NLGN1: variants seen among roughly 807,000 people sequenced by gnomAD.
The protein encoded by NLGN1 is neuroligin-1.
In NLGN1, 12 loss-of-function variants were observed where a neutral mutation model predicts 65.5. The ratio of observed to expected loss-of-function variants is 0.18; its 90% confidence interval spans 0.12 to 0.30. NLGN1 has a LOEUF of 0.30. NLGN1 is among the 10% of genes least tolerant of loss of function. The pLI is 1.00. For synonymous variants in NLGN1, 350 were observed against 359.5 expected (o/e 0.97, Z 0.30); for missense variants, 750 against 1,007.1 (o/e 0.74, Z 3.46).
At chr3:173,804,892 A>G (rs118099426) in intron 3 of NLGN1, among the ~76,000 whole-genome samples, 4,554 of 152,080 alleles carry the variant, frequency 0.03, 182 homozygotes, top group East Asian at 0.17. Flanking sequence ...CAGACATGGT[A>G]GTAGGCGCCT....
At chr3:174,245,191 G>T (rs1416166566) in intron 4 of NLGN1, among the ~76,000 whole-genome samples, 2 of 152,060 alleles carry the variant, frequency 1.3e-5, no homozygotes, top group Admixed American at 1.3e-4. Context: ...GATTCCATTT[G>T]GGAAGTGGAG....
At chr3:173,740,817 C>T (rs1321413406) in intron 3 of NLGN1, among the ~76,000 whole-genome samples, 1 of 151,968 alleles carries the variant, frequency 6.6e-6, no homozygotes, top group Non-Finnish European at 1.5e-5. Flanking sequence ...ATAAATTGTT[C>T]TCGAAAACTA....
chr3:174,100,386 C>G (rs945390411), intron 4 of NLGN1, among the ~76,000 whole-genome samples: 3 of 152,036 alleles, frequency 2.0e-5, no homozygotes, highest in African/African-American at 7.2e-5. Context: ...TTATTGAGCT[C>G]TACCCCACTG....
chr3:173,437,102 A>G (rs1383898355), intron 2 of NLGN1, among the ~76,000 whole-genome samples: 1 of 152,248 alleles, frequency 6.6e-6, no homozygotes, highest in Non-Finnish European at 1.5e-5. Context: ...TTGACTGTCA[A>G]GATTCCATTT....
At chr3:174,054,537 A>C (rs1397785354) in intron 4 of NLGN1, among the ~76,000 whole-genome samples, 1 of 151,804 alleles carries the variant, frequency 6.6e-6, no homozygotes, top group Non-Finnish European at 1.5e-5. Flanking sequence ...CCTCCTCCCT[A>C]AGCTTTAGGG....
chr3:174,088,615 C>T (rs1307138063), intron 4 of NLGN1, among the ~76,000 whole-genome samples: 5 of 151,292 alleles, frequency 3.3e-5, no homozygotes, highest in South Asian at 2.1e-4. Flanking sequence ...TAGCCGGGCG[C>T]GGTGGCAGGT....
At chr3:173,675,451 A>G (rs2149756161) in intron 3 of NLGN1, among the ~76,000 whole-genome samples, 1 of 152,262 alleles carries the variant, frequency 6.6e-6, no homozygotes, top group East Asian at 1.9e-4. Flanking sequence ...TATTAAAACA[A>G]ACAAACAAAG....
intron 3 of NLGN1, among the ~76,000 whole-genome samples, chr3:173,689,818 G>A (rs1765204945): frequency 6.6e-6 from 1 of 152,078 alleles, no homozygotes; most frequent in Non-Finnish European, 1.5e-5. Flanking sequence ...AAGCACTTCA[G>A]TAATTTTCAA....
intron 3 of NLGN1, among the ~76,000 whole-genome samples, chr3:173,703,466 T>C (rs748026566): frequency 6.6e-6 from 1 of 152,194 alleles, no homozygotes; most frequent in Non-Finnish European, 1.5e-5. Context: ...TTATTTATTT[T>C]AACTTCTTCT....
At chr3:173,758,340 A>G (rs940714736) in intron 3 of NLGN1, among the ~76,000 whole-genome samples, 1 of 152,028 alleles carries the variant, frequency 6.6e-6, no homozygotes, top group Non-Finnish European at 1.5e-5. Context: ...TAGCAAACTG[A>G]GACAATGGAC....
At chr3:173,409,595 A>T (rs141248595) in intron 1 of NLGN1, among the ~76,000 whole-genome samples, 47 of 152,256 alleles carry the variant, frequency 3.1e-4, no homozygotes, top group African/African-American at 1.1e-3. Context: ...CCCTGTATCC[A>T]GTCAACAATG....
At chr3:173,501,763 ACATCT>A (rs1731165571) in intron 2 of NLGN1, among the ~76,000 whole-genome samples, 1 of 151,932 alleles carries the variant, frequency 6.6e-6, no homozygotes, top group East Asian at 1.9e-4. Flanking sequence ...GTATGTAAAA[ACATCT>A]CATAGTGTAA....
At chr3:173,552,146 T>C (rs1577237351) in intron 2 of NLGN1, among the ~76,000 whole-genome samples, 1 of 152,222 alleles carries the variant, frequency 6.6e-6, no homozygotes, top group African/African-American at 2.4e-5. Flanking sequence ...GTGAGCCTAA[T>C]CCCCTGGAGG....
chr3:173,685,331 A>G (rs1285234263), intron 3 of NLGN1, among the ~76,000 whole-genome samples: 2 of 152,232 alleles, frequency 1.3e-5, no homozygotes, highest in Non-Finnish European at 1.5e-5. Context: ...TGGTTAAGAC[A>G]TATTCCCAGG....
intron 1 of NLGN1, among the ~76,000 whole-genome samples, chr3:173,406,817 G>A (rs574994463): frequency 3.3e-5 from 5 of 151,818 alleles, no homozygotes; most frequent in East Asian, 3.9e-4. Context: ...CCTTTCTTTC[G>A]TTGTAGCTGT....
chr3:173,422,696 G>A lies in NLGN1; in HGVS notation c.-389-12314G>A, dbSNP rs920368005. On this transcript the variant is annotated intron_variant, in intron 1 of 6. Transcript: ENST00000457714. ...TGAAATTATATCTCATTGCAGTTTT[G>A]ATTTGTATTTCTCTGATGATTAGTA... Among the ~76,000 whole-genome samples the A allele has an allele frequency of 3.3e-5, 5 of 151,966 alleles. No homozygotes were observed. The South Asian group carries it at 1.0e-3, about 32-fold the overall frequency.
chr3:173,591,059 T>C (rs1748397580), intron 2 of NLGN1, among the ~76,000 whole-genome samples: 1 of 152,114 alleles, frequency 6.6e-6, no homozygotes, highest in Non-Finnish European at 1.5e-5. Flanking sequence ...ATATAACGGT[T>C]TGGGATTTTC....
At chr3:173,742,665 A>G (rs1454213441) in intron 3 of NLGN1, among the ~76,000 whole-genome samples, 4 of 152,096 alleles carry the variant, frequency 2.6e-5, no homozygotes, top group African/African-American at 9.7e-5. Flanking sequence ...TTTCATTTTT[A>G]TATGACATTT....
chr3:174,162,259 G>T (rs966968419), intron 4 of NLGN1, among the ~76,000 whole-genome samples: 2 of 151,668 alleles, frequency 1.3e-5, no homozygotes, highest in African/African-American at 2.4e-5. Flanking sequence ...CCTTCTCTAG[G>T]CTCTGTTTAA....
Sources: allele counts gnomAD v4.1 joint callset (sites outside exome capture counted in the v4.1 genomes callset), GRCh38; gene constraint gnomAD v4.1.1; transcripts MANE v1.5; gene names NCBI Gene and HGNC (gene_info 2026-07-23, HGNC 2026-07-21).